RAPGEF5: variants seen among roughly 807,000 people sequenced by gnomAD.
RAPGEF5 encodes M-Ras-regulated GEF.
Under a neutral mutation model 125.2 loss-of-function variants are expected in RAPGEF5, and 65 were observed. That is an observed-to-expected ratio of 0.52 (90% CI 0.43 to 0.64). The LOEUF is 0.64. Among genes scored for constraint, RAPGEF5 ranks in the 30% least tolerant of loss-of-function variants. The probability of loss-of-function intolerance (pLI) is 0.00; values close to 1 mark genes in which losing one functional copy is unlikely to be tolerated. For synonymous variants in RAPGEF5, 391 were observed against 385.9 expected (o/e 1.01, Z -0.16); for missense variants, 958 against 1,048.1 (o/e 0.91, Z 1.19).
chr7:22,282,239 G>A (rs1782690110), intron 6 of RAPGEF5, among the ~76,000 whole-genome samples: 1 of 152,028 alleles, frequency 6.6e-6, no homozygotes, highest in Non-Finnish European at 1.5e-5. Flanking sequence ...TAAGCTCCTT[G>A]CACACATGGA....
intron 6 of RAPGEF5, among the ~76,000 whole-genome samples, chr7:22,290,494 C>T (rs1489467991): frequency 1.3e-5 from 2 of 152,134 alleles, no homozygotes; most frequent in Admixed American, 1.3e-4. Flanking sequence ...GCCTGTAATC[C>T]CAGCACTTTG....
At chr7:22,278,410 GT>G (rs1262785065) in intron 6 of RAPGEF5, among the ~76,000 whole-genome samples, 2 of 151,904 alleles carry the variant, frequency 1.3e-5, no homozygotes, top group Non-Finnish European at 2.9e-5. Context: ...TTATACTTAT[GT>G]TAATTTTTAA....
At chr7:22,124,501 A>G (rs1463889502) in intron 25 of RAPGEF5, among the ~76,000 whole-genome samples, 2 of 152,240 alleles carry the variant, frequency 1.3e-5, no homozygotes, top group East Asian at 1.9e-4. Context: ...TAATCCACAC[A>G]GAAGTCCAGT....
At position 22,156,908 on chromosome 7, in the gene RAPGEF5, G is replaced by C; in HGVS notation, c.1558-20C>G. 2.5e-6 allele frequency: 4 copies of C among 1,613,748 alleles called. No homozygotes were observed. The highest frequency in any genetic ancestry group is 1.1e-5 in the South Asian group (1 of 91,040). On this transcript the variant is annotated intron_variant, in intron 15 of 25. Transcript: ENST00000665637. ...TTTATTCTGTGAGATGGGAGAAAGA[G>C]AACAATGAATGAATACATTCCTGCC...
intron 7 of RAPGEF5, among the ~76,000 whole-genome samples, chr7:22,232,028 A>G (rs182857867): frequency 6.6e-6 from 1 of 152,340 alleles, no homozygotes; most frequent in East Asian, 1.9e-4. Flanking sequence ...GCAGATGACA[A>G]TGACTCAGAT....
At chr7:22,197,225 A>T (rs1785167752) in intron 9 of RAPGEF5, among the ~76,000 whole-genome samples, 1 of 152,226 alleles carries the variant, frequency 6.6e-6, no homozygotes, top group Admixed American at 6.5e-5. Context: ...GTGAACAAGG[A>T]GGAAGAGAAG....
chr7:22,125,271 T>G, intron 25 of RAPGEF5: 1 of 229,430 alleles, frequency 4.4e-6, no homozygotes, highest in Non-Finnish European at 8.7e-6. Context: ...TCACCAGTGA[T>G]TTTGAGCCAA....
At chr7:22,250,012 A>T (rs945073652) in intron 7 of RAPGEF5, among the ~76,000 whole-genome samples, 14 of 152,156 alleles carry the variant, frequency 9.2e-5, no homozygotes, top group African/African-American at 3.4e-4. Context: ...TCAAGGGGGG[A>T]CTTTGATGCG....
intron 17 of RAPGEF5, 108 bp from the exon 18 acceptor site, chr7:22,150,612 T>C (rs1783597555): frequency 2.2e-6 from 3 of 1,391,014 alleles, no homozygotes; most frequent in Non-Finnish European, 2.8e-6. Flanking sequence ...AGAAAAATAC[T>C]TAAAAGTAAA....
chr7:22,203,332 C>T (rs1785322536), intron 9 of RAPGEF5, among the ~76,000 whole-genome samples: 1 of 152,114 alleles, frequency 6.6e-6, no homozygotes. Context: ...CTCTAGAGAC[C>T]AAAAACTAAA....
At chr7:22,300,822 A>G (rs1425966451) in intron 5 of RAPGEF5, among the ~76,000 whole-genome samples, 3 of 152,206 alleles carry the variant, frequency 2.0e-5, no homozygotes, top group Non-Finnish European at 4.4e-5. Flanking sequence ...CCTGTAAGAA[A>G]AAAGGAGAAT....
chr7:22,135,413 A>G (rs1297170525), intron 23 of RAPGEF5, among the ~76,000 whole-genome samples: 2 of 152,216 alleles, frequency 1.3e-5, no homozygotes, highest in African/African-American at 4.8e-5. Context: ...GGTTTGAAAG[A>G]GAGATCACTG....
intron 6 of RAPGEF5, among the ~76,000 whole-genome samples, chr7:22,284,098 T>C (rs1043827585): frequency 7.0e-6 from 1 of 143,568 alleles, no homozygotes; most frequent in Non-Finnish European, 1.5e-5. Context: ...TGCGCGTGCA[T>C]GTGGCAACCT....
At chr7:22,262,098 C>T (rs894806693) in intron 7 of RAPGEF5, among the ~76,000 whole-genome samples, 3 of 151,966 alleles carry the variant, frequency 2.0e-5, no homozygotes, top group African/African-American at 7.3e-5. Flanking sequence ...GTGAAAGACT[C>T]GTTGAGAGGA....
intron 12 of RAPGEF5, among the ~76,000 whole-genome samples, chr7:22,164,574 G>C (rs1430447096): frequency 6.6e-6 from 1 of 152,120 alleles, no homozygotes; most frequent in Admixed American, 6.6e-5. Context: ...TCCATTCATA[G>C]TTATCTGCTT....
At chr7:22,165,904 C>A (rs1473365364) in intron 12 of RAPGEF5, among the ~76,000 whole-genome samples, 1 of 151,742 alleles carries the variant, frequency 6.6e-6, no homozygotes, top group African/African-American at 2.4e-5. Flanking sequence ...CAGCTTCAAC[C>A]TCCTGGACTT....
At chr7:22,175,660 C>A (rs1003903723) in intron 11 of RAPGEF5, among the ~76,000 whole-genome samples, 2 of 152,160 alleles carry the variant, frequency 1.3e-5, no homozygotes, top group African/African-American at 2.4e-5. Flanking sequence ...ACATCACACA[C>A]GTGTTCTAAA....
Position 22,136,999 on chromosome 7 carries a change from A to C in RAPGEF5, c.2278-16T>G. 1 of 1,547,538 alleles carries C rather than the reference A, an allele frequency of 6.5e-7. No homozygotes were observed. The highest frequency in any genetic ancestry group is 2.3e-5 in the East Asian group (1 of 43,752). On this transcript the variant is annotated splice_polypyrimidine_tract_variant and intron_variant, in intron 21 of 25. Coordinates refer to ENST00000665637, the MANE Select transcript of RAPGEF5 (RefSeq NM_012294.5). The stretch of plus-strand genomic sequence containing the variant: ...CAGGGATTTTCTAAAAAACAAACAC[A>C]AACAAAAAACAGAAGGTCACAGAAG...
At position 22,356,897 on chromosome 7, in the gene RAPGEF5, C is replaced by T. The variant is rs1784432441; in HGVS notation, c.164G>A (p.Arg55Lys). ...QPPASLRPRL[R>K]DLPALLRSGL... The stretch of plus-strand genomic sequence containing the variant: ...GCTCCGCAGCAGCGCGGGCAGGTCC[C>T]TCAGCCGCGGCCGCAGCGACGCCGG... The change falls in exon 1 of 26, where the codon AGG (arginine) becomes AAG (lysine). Residue 55 changes from arginine (R) to lysine (K), a missense_variant. Coordinates refer to ENST00000665637, the MANE Select transcript of RAPGEF5 (RefSeq NM_012294.5). 1 of 1,133,164 alleles carries T rather than the reference C, an allele frequency of 8.8e-7. No individual in the cohort carries two copies. Among genetic ancestry groups the T allele is most frequent in the Non-Finnish European group, 1.1e-6 (1 of 925,484 alleles). 70.2% of individuals were successfully genotyped at this position (1,133,164 alleles called of 1,614,324 possible). A position where few individuals can be genotyped will look rare whatever the true frequency, so the allele number is the denominator to read the frequency against.
Sources: allele counts gnomAD v4.1 joint callset (sites outside exome capture counted in the v4.1 genomes callset), GRCh38; gene constraint gnomAD v4.1.1; transcripts MANE v1.5; gene names NCBI Gene and HGNC (gene_info 2026-07-23, HGNC 2026-07-21).